Variants in TMEM108 observed in about 807,000 individuals in gnomAD.
TMEM108 encodes the protein cancer/testis antigen 124.
In TMEM108, 12 loss-of-function variants were observed where a neutral mutation model predicts 35.1. That is an observed-to-expected ratio of 0.34 (90% CI 0.22 to 0.55). The LOEUF is 0.55. TMEM108 is among the 20% of genes least tolerant of loss of function. The pLI is 0.89. For synonymous variants in TMEM108, 287 were observed against 308.6 expected, an observed-to-expected ratio of 0.93 and a Z score of 0.73; for missense variants, 680 against 753.3, an observed-to-expected ratio of 0.90 and a Z score of 1.14.
chr3:133,254,648 T>G (rs753022759), intron 3 of TMEM108, among the ~76,000 whole-genome samples: 3 of 152,222 alleles, frequency 2.0e-5, no homozygotes, highest in Non-Finnish European at 2.9e-5. Flanking sequence ...ATTGATTGAT[T>G]AAGACTGCCA....
At chr3:133,176,596 A>G (rs950915696) in intron 2 of TMEM108, among the ~76,000 whole-genome samples, 8 of 152,202 alleles carry the variant, frequency 5.3e-5, no homozygotes, top group African/African-American at 1.7e-4. Context: ...GAAGGCAGAA[A>G]TAAAGATGTT....
At chr3:133,188,425 C>CTT (rs11391699) in intron 2 of TMEM108, among the ~76,000 whole-genome samples, 278 of 143,084 alleles carry the variant, frequency 1.9e-3, no homozygotes, top group East Asian at 0.015. Flanking sequence ...TGTTTTGTTC[C>CTT]TTTTTTTTTT....
At chr3:133,052,475 T>A (rs901022425) in intron 2 of TMEM108, among the ~76,000 whole-genome samples, 4 of 151,700 alleles carry the variant, frequency 2.6e-5, no homozygotes, top group Non-Finnish European at 5.9e-5. Context: ...ATTCCTTTTA[T>A]TTTAATTTAA....
intron 1 of TMEM108, among the ~76,000 whole-genome samples, chr3:133,043,868 A>T (rs1943304332): frequency 6.6e-6 from 1 of 152,208 alleles, no homozygotes; most frequent in Admixed American, 6.5e-5. Flanking sequence ...TTCTATTTGT[A>T]ATCCCAAATT....
At chr3:133,178,219 G>A (rs1320211277) in intron 2 of TMEM108, among the ~76,000 whole-genome samples, 5 of 152,114 alleles carry the variant, frequency 3.3e-5, no homozygotes, top group African/African-American at 7.2e-5. Flanking sequence ...AATCAATATC[G>A]TGAAAATGGC....
At chr3:133,316,674 T>A (rs2071203355) in intron 3 of TMEM108, among the ~76,000 whole-genome samples, 1 of 152,210 alleles carries the variant, frequency 6.6e-6, no homozygotes, top group Non-Finnish European at 1.5e-5. Context: ...AACTCTGGAA[T>A]GTTTTGAGAA....
intron 3 of TMEM108, among the ~76,000 whole-genome samples, chr3:133,245,446 C>T (rs561109734): frequency 3.2e-4 from 49 of 152,350 alleles, no homozygotes; most frequent in African/African-American, 1.1e-3. Flanking sequence ...ATTACAGCCC[C>T]AGGACCTCCC....
At chr3:133,259,779 G>A (rs1488431843) in intron 3 of TMEM108, among the ~76,000 whole-genome samples, 4 of 152,186 alleles carry the variant, frequency 2.6e-5, no homozygotes, top group Admixed American at 2.6e-4. Flanking sequence ...CCTGGAGTAT[G>A]GGTGTGATTC....
At chr3:133,370,921 T>TGTGTGTGTGC (rs142623622) in intron 3 of TMEM108, among the ~76,000 whole-genome samples, 17 of 139,290 alleles carry the variant, frequency 1.2e-4, no homozygotes, top group African/African-American at 2.6e-4. Flanking sequence ...TGTGTGTGTG[T>TGTGTGTGTGC]GCCAGGAAGC....
chr3:133,099,033 C>T (rs1020423586), intron 2 of TMEM108, among the ~76,000 whole-genome samples: 4 of 152,186 alleles, frequency 2.6e-5, no homozygotes, highest in Non-Finnish European at 5.9e-5. Context: ...TCAGCACTGC[C>T]GTAGCAAAGG....
At chr3:133,228,894 G>A (rs938515321) in intron 2 of TMEM108, among the ~76,000 whole-genome samples, 5 of 152,002 alleles carry the variant, frequency 3.3e-5, no homozygotes, top group Non-Finnish European at 5.9e-5. Context: ...TGTTTTATTT[G>A]GGTGTTTGCT....
chr3:133,126,761 G>T (rs564172740), intron 2 of TMEM108, among the ~76,000 whole-genome samples: 11 of 152,182 alleles, frequency 7.2e-5, no homozygotes, highest in African/African-American at 2.4e-4. Flanking sequence ...ATCTGTGGAT[G>T]CCCAAGTCCC....
intron 3 of TMEM108, among the ~76,000 whole-genome samples, chr3:133,293,999 C>G (rs796946628): frequency 7.2e-5 from 11 of 152,270 alleles, no homozygotes; most frequent in African/African-American, 2.6e-4. Context: ...ATAGACCAGG[C>G]TACTGTGCAG....
At chr3:133,139,365 A>G (rs1249172820) in intron 2 of TMEM108, among the ~76,000 whole-genome samples, 1 of 152,234 alleles carries the variant, frequency 6.6e-6, no homozygotes, top group Non-Finnish European at 1.5e-5. Flanking sequence ...TTGCAAGAAA[A>G]AAACAACCTC....
intron 3 of TMEM108, among the ~76,000 whole-genome samples, chr3:133,365,545 T>C (rs1272602119): frequency 6.6e-6 from 1 of 152,146 alleles, no homozygotes; most frequent in Non-Finnish European, 1.5e-5. Context: ...GGAGCCACTT[T>C]CTCTTACTCC....
At chr3:133,193,723 A>C (rs1193414403) in intron 2 of TMEM108, among the ~76,000 whole-genome samples, 1 of 152,138 alleles carries the variant, frequency 6.6e-6, no homozygotes, top group Admixed American at 6.6e-5. Flanking sequence ...ACAGGGCTTT[A>C]GGTATACTTT....
At chr3:133,240,474 AT>A (rs1946297291) in intron 3 of TMEM108, among the ~76,000 whole-genome samples, 1 of 152,232 alleles carries the variant, frequency 6.6e-6, no homozygotes, top group Non-Finnish European at 1.5e-5. Flanking sequence ...AAGAAATTCA[AT>A]TTTATGAATT....
At chr3:133,327,822 A>T (rs1462515111) in intron 3 of TMEM108, among the ~76,000 whole-genome samples, 1 of 152,082 alleles carries the variant, frequency 6.6e-6, no homozygotes, top group East Asian at 1.9e-4. Flanking sequence ...AAGAAGAGTC[A>T]AGAAAGTTGT....
chr3:133,069,347 T>C (rs552305180), intron 2 of TMEM108, among the ~76,000 whole-genome samples: 1 of 152,196 alleles, frequency 6.6e-6, no homozygotes, highest in Admixed American at 6.5e-5. Flanking sequence ...GAACCAGTTC[T>C]TTTTTAAAAT....
Sources: allele counts gnomAD v4.1 joint callset (sites outside exome capture counted in the v4.1 genomes callset), GRCh38; gene constraint gnomAD v4.1.1; transcripts MANE v1.5; gene names NCBI Gene and HGNC (gene_info 2026-07-23, HGNC 2026-07-21).